ATAD1: variants seen among roughly 807,000 people sequenced by gnomAD.
The protein encoded by ATAD1 is ATPase family AAA domain containing 1.
A neutral mutation model predicts 42.7 loss-of-function variants in ATAD1; 18 were observed. That is an observed-to-expected ratio of 0.42 (90% CI 0.29 to 0.63). ATAD1 has a LOEUF of 0.63. ATAD1 is among the 20% of genes least tolerant of loss of function. ATAD1 has a pLI of 0.19. For missense variants in ATAD1, 294 were observed against 440.4 expected, an observed-to-expected ratio of 0.67 and a Z score of 2.98; for synonymous variants, 132 against 143.1, an observed-to-expected ratio of 0.92 and a Z score of 0.55.
intron 8 of ATAD1, among the ~76,000 whole-genome samples, chr10:87,762,951 C>T (rs1283698245): frequency 3.0e-4 from 44 of 147,240 alleles, no homozygotes; most frequent in East Asian, 1.4e-3. Flanking sequence ...TGTGGTGGCG[C>T]GCGCCTATAA....
chr10:87,829,241 ATTTAT>A (rs1564790117), intron 1 of ATAD1, among the ~76,000 whole-genome samples: 117 of 148,776 alleles, frequency 7.9e-4, no homozygotes, highest in Admixed American at 2.0e-3. Context: ...TTTATTATTT[ATTTAT>A]TTATTTATTT....
intron 4 of ATAD1, among the ~76,000 whole-genome samples, chr10:87,787,770 C>T (rs1185053659): frequency 1.3e-5 from 2 of 152,084 alleles, no homozygotes; most frequent in Admixed American, 6.5e-5. Flanking sequence ...TGCAAAAATA[C>T]ACATCTATAT....
At chr10:87,764,525 CA>C (rs1222471846) in intron 8 of ATAD1, among the ~76,000 whole-genome samples, 1 of 151,958 alleles carries the variant, frequency 6.6e-6, no homozygotes, top group African/African-American at 2.4e-5. Context: ...AAAACAAAAC[CA>C]AAGTTGGATT....
intron 1 of ATAD1, among the ~76,000 whole-genome samples, chr10:87,834,141 C>T (rs191401010): frequency 6.6e-6 from 1 of 152,094 alleles, no homozygotes; most frequent in Non-Finnish European, 1.5e-5. Flanking sequence ...TCAAGATAAA[C>T]CTCATTTTGG....
At chr10:87,839,398 C>T (rs1037419371) in intron 1 of ATAD1, among the ~76,000 whole-genome samples, 4 of 152,118 alleles carry the variant, frequency 2.6e-5, no homozygotes, top group Admixed American at 1.3e-4. Context: ...TCACATACAT[C>T]CTGTTAAACT....
chr10:87,766,759 C>T (rs898564417), intron 8 of ATAD1, among the ~76,000 whole-genome samples: 2 of 151,070 alleles, frequency 1.3e-5, no homozygotes, highest in African/African-American at 2.4e-5. Flanking sequence ...TGCAGTGAGC[C>T]GAGATCGTGC....
At chr10:87,804,677 T>A (rs907617018) in intron 2 of ATAD1, among the ~76,000 whole-genome samples, 1 of 152,096 alleles carries the variant, frequency 6.6e-6, no homozygotes, top group Non-Finnish European at 1.5e-5. Flanking sequence ...GCCTATGTAG[T>A]CTAATTAATA....
intron 2 of ATAD1, among the ~76,000 whole-genome samples, chr10:87,794,381 T>C (rs1329300232): frequency 7.9e-5 from 12 of 152,330 alleles, no homozygotes; most frequent in Admixed American, 7.8e-4. Flanking sequence ...GTCGTTTACA[T>C]GTCAGTTAAA....
At chr10:87,784,970 A>C (rs1855756479) in intron 4 of ATAD1, among the ~76,000 whole-genome samples, 1 of 152,194 alleles carries the variant, frequency 6.6e-6, no homozygotes, top group South Asian at 2.1e-4. Context: ...AACAGTTGAA[A>C]AACAAAATCA....
chr10:87,797,826 C>T (rs932994097), intron 2 of ATAD1, among the ~76,000 whole-genome samples: 1 of 152,150 alleles, frequency 6.6e-6, no homozygotes, highest in Non-Finnish European at 1.5e-5. Flanking sequence ...TTCTCTATCG[C>T]CTTTTCTACC....
At chr10:87,834,823 G>A (rs11202579) in intron 1 of ATAD1, among the ~76,000 whole-genome samples, 85,582 of 151,144 alleles carry the variant, frequency 0.57, 25,010 homozygotes, top group Admixed American at 0.66. Context: ...TTATTTTATT[G>A]TTATTAACTT....
intron 8 of ATAD1, among the ~76,000 whole-genome samples, chr10:87,762,942 G>A (rs1854560108): frequency 2.0e-5 from 3 of 147,416 alleles, no homozygotes. Flanking sequence ...TAAGCCGGGT[G>A]TGGTGGCGCG....
intron 9 of ATAD1, among the ~76,000 whole-genome samples, chr10:87,755,102 C>G (rs1049225386): frequency 6.6e-6 from 1 of 152,124 alleles, no homozygotes; most frequent in African/African-American, 2.4e-5. Flanking sequence ...AAAGACTTCA[C>G]ATCTATAAGT....
intron 1 of ATAD1, among the ~76,000 whole-genome samples, chr10:87,816,610 A>G (rs1326561108): frequency 2.6e-5 from 4 of 152,066 alleles, no homozygotes; most frequent in Admixed American, 6.5e-5. Context: ...GAAGGCACCT[A>G]ACTGAAATCT....
At chr10:87,813,987 A>G (rs1857303047) in intron 2 of ATAD1, among the ~76,000 whole-genome samples, 1 of 152,086 alleles carries the variant, frequency 6.6e-6, no homozygotes, top group African/African-American at 2.4e-5. Flanking sequence ...TTATATTAAT[A>G]ATCAACAACT....
intron 2 of ATAD1, among the ~76,000 whole-genome samples, chr10:87,794,509 T>A (rs539467315): frequency 3.7e-4 from 57 of 152,360 alleles, no homozygotes; most frequent in African/African-American, 1.3e-3. Flanking sequence ...ACAGTGGTTT[T>A]CCCAGGGGAC....
upstream of ATAD1, among the ~76,000 whole-genome samples, chr10:87,821,365 TA>T (rs1172495171): frequency 3.3e-5 from 5 of 150,976 alleles, no homozygotes; most frequent in Admixed American, 6.6e-5. Flanking sequence ...TTGTTTCTAC[TA>T]AAAAAAAATA....
chr10:87,754,067 A>T lies in ATAD1; in HGVS notation c.*620T>A, dbSNP rs1391386023. On this transcript the variant is annotated 3_prime_UTR_variant, in exon 10 of 10. Coordinates refer to ENST00000680024, the MANE Select transcript of ATAD1 (RefSeq NM_001321967.2). Reference sequence around the variant, plus strand: ...CATGTATATATGCAAGATGTGGAGGATCCAACTAATAACTGCAGAAATAAA... The same window carrying T: ...CATGTATATATGCAAGATGTGGAGGTTCCAACTAATAACTGCAGAAATAAA... 1.3e-5 allele frequency: 2 copies of T among 152,464 alleles called. No individual in the cohort carries two copies. Among genetic ancestry groups the T allele is most frequent in the African/African-American group, 4.8e-5 (2 of 41,444 alleles). The allele number at this position is 152,464 out of a possible 1,614,324, so 9.4% of individuals were successfully genotyped here.
intron 4 of ATAD1, among the ~76,000 whole-genome samples, chr10:87,786,564 T>C (rs1328933135): frequency 6.6e-6 from 1 of 152,216 alleles, no homozygotes; most frequent in Non-Finnish European, 1.5e-5. Flanking sequence ...CCTAACTTTC[T>C]GGGGACAGGC....
Sources: gnomAD v4.1 joint callset for allele counts (sites outside exome capture counted in the v4.1 genomes callset) on GRCh38, gnomAD v4.1.1 for gene constraint, MANE v1.5 for transcripts, NCBI Gene and HGNC (gene_info 2026-07-23, HGNC 2026-07-21) for gene names.